Variants in ESRRG observed in about 807,000 individuals in gnomAD.
The protein encoded by ESRRG is estrogen related receptor gamma, also known as estrogen-related receptor gamma.
A neutral mutation model predicts 44.0 loss-of-function variants in ESRRG; 13 were observed. The observed-to-expected ratio is 0.30, with a 90% confidence interval of 0.19 to 0.47. The LOEUF is 0.47. Ranked by LOEUF, ESRRG falls within the 20% of genes least tolerant of loss-of-function variation. The pLI is 1.00. For synonymous variants in ESRRG, 215 were observed against 214.6 expected (o/e 1.00, Z -0.02); for missense variants, 395 against 580.6 (o/e 0.68, Z 3.29).
intron 2 of ESRRG, among the ~76,000 whole-genome samples, chr1:216,809,412 T>C (rs1272877149): frequency 1.3e-5 from 2 of 151,426 alleles, no homozygotes; most frequent in Admixed American, 6.6e-5. Context: ...GGACAATAGC[T>C]AGCTCCATCC....
chr1:216,748,424 TG>T (rs1232573555), intron 2 of ESRRG, among the ~76,000 whole-genome samples: 1 of 152,172 alleles, frequency 6.6e-6, no homozygotes, highest in Non-Finnish European at 1.5e-5. Context: ...ATTTAAAATG[TG>T]GCCTTGCTTT....
intron 3 of ESRRG, among the ~76,000 whole-genome samples, chr1:216,584,095 A>C (rs1440657579): frequency 6.6e-6 from 1 of 152,096 alleles, no homozygotes; most frequent in African/African-American, 2.4e-5. Context: ...AAATACATAG[A>C]AAAGCCATTC....
At chr1:217,134,266 G>A (rs1423413913) in intron 1 of ESRRG, among the ~76,000 whole-genome samples, 2 of 152,152 alleles carry the variant, frequency 1.3e-5, no homozygotes, top group East Asian at 3.9e-4. Context: ...GACACAGACT[G>A]GCGCTGGATC....
intron 3 of ESRRG, among the ~76,000 whole-genome samples, chr1:216,594,923 G>A (rs1262121118): frequency 1.3e-5 from 2 of 152,188 alleles, no homozygotes; most frequent in African/African-American, 4.8e-5. Context: ...TGGTAGGGAA[G>A]ATATTTTGAG....
chr1:216,719,120 G>A (rs576741491), intron 1 of ESRRG, among the ~76,000 whole-genome samples: 2 of 152,034 alleles, frequency 1.3e-5, no homozygotes, highest in South Asian at 2.1e-4. Flanking sequence ...GGAATTTTTC[G>A]TAAGTGATAC....
intron 5 of ESRRG, among the ~76,000 whole-genome samples, chr1:216,546,982 T>C (rs1260381842): frequency 6.6e-6 from 1 of 151,452 alleles, no homozygotes; most frequent in African/African-American, 2.4e-5. Context: ...CAGGCCCCGG[T>C]GTGTATGTTC....
intron 2 of ESRRG, among the ~76,000 whole-genome samples, chr1:216,797,084 G>A (rs979954042): frequency 1.3e-5 from 2 of 151,900 alleles, no homozygotes; most frequent in African/African-American, 4.8e-5. Context: ...TAGAGACGGG[G>A]TTTCACCATG....
At chr1:216,530,649 A>G (rs541313221) in intron 5 of ESRRG, among the ~76,000 whole-genome samples, 2 of 152,294 alleles carry the variant, frequency 1.3e-5, no homozygotes, top group South Asian at 4.1e-4. Flanking sequence ...ATTGTATTTA[A>G]GCTGCCACGT....
At position 216,504,132 on chromosome 1, in the gene ESRRG, T is replaced by C. The variant is rs963204566; in HGVS notation, c.*2807A>G. 2.6e-5 allele frequency: 4 copies of C among 152,524 alleles called. No homozygotes were observed. Among genetic ancestry groups the C allele is most frequent in the Non-Finnish European group, 4.4e-5 (3 of 67,982 alleles). 9.4% of individuals were successfully genotyped at this position (152,524 alleles called of 1,614,324 possible). ...ACATATCTCCATCTCAGGTTTTCAG[T>C]TGGTTGGCTCTTACTTCTGAAGCCC... On this transcript the variant is annotated 3_prime_UTR_variant, in exon 7 of 7. Transcript: ENST00000408911.
intron 2 of ESRRG, among the ~76,000 whole-genome samples, chr1:216,837,229 G>A (rs964371956): frequency 5.9e-5 from 9 of 151,886 alleles, no homozygotes; most frequent in Non-Finnish European, 2.9e-5. Context: ...CTAACACAGT[G>A]AAACCGTGTC....
At chr1:217,086,993 C>G (rs1003659046) in intron 1 of ESRRG, among the ~76,000 whole-genome samples, 1 of 152,056 alleles carries the variant, frequency 6.6e-6, no homozygotes, top group African/African-American at 2.4e-5. Flanking sequence ...ATAAATAACC[C>G]CCTTTCCAAT....
intron 1 of ESRRG, among the ~76,000 whole-genome samples, chr1:216,958,052 C>T (rs1035759778): frequency 3.9e-5 from 6 of 152,060 alleles, no homozygotes; most frequent in African/African-American, 1.4e-4. Flanking sequence ...CCATGTGTCC[C>T]TGGCTTCCTT....
At chr1:217,083,690 C>T (rs2091909691) in intron 1 of ESRRG, among the ~76,000 whole-genome samples, 2 of 152,174 alleles carry the variant, frequency 1.3e-5, no homozygotes, top group Admixed American at 1.3e-4. Context: ...AAAGCATCAT[C>T]AGGTATTATA....
At chr1:216,591,591 A>G (rs2057674595) in intron 3 of ESRRG, among the ~76,000 whole-genome samples, 1 of 152,222 alleles carries the variant, frequency 6.6e-6, no homozygotes, top group Non-Finnish European at 1.5e-5. Context: ...CAAATAAATA[A>G]AGCTCCTGGG....
chr1:216,727,721 C>T (rs140874701), upstream of ESRRG, among the ~76,000 whole-genome samples: 11 of 152,146 alleles, frequency 7.2e-5, 1 homozygote, highest in East Asian at 1.9e-3. Flanking sequence ...TGAAAGTGAT[C>T]GCTTCCACAG....
chr1:216,957,137 C>T (rs534135747), intron 1 of ESRRG, among the ~76,000 whole-genome samples: 2 of 152,152 alleles, frequency 1.3e-5, no homozygotes, highest in East Asian at 3.9e-4. Flanking sequence ...TTTTACTTTC[C>T]TCCTCACTGG....
At chr1:216,819,433 T>C (rs2095239287) in intron 2 of ESRRG, among the ~76,000 whole-genome samples, 1 of 152,220 alleles carries the variant, frequency 6.6e-6, no homozygotes, top group Non-Finnish European at 1.5e-5. Flanking sequence ...CCAAAAGCAT[T>C]GATCCCTACT....
At chr1:217,119,419 C>A (rs756160939) in intron 1 of ESRRG, among the ~76,000 whole-genome samples, 5 of 152,180 alleles carry the variant, frequency 3.3e-5, no homozygotes, top group Non-Finnish European at 5.9e-5. Context: ...CAACAATGGA[C>A]CATGTAAATC....
At chr1:216,728,927 G>T (rs550722039) in intron 2 of ESRRG, among the ~76,000 whole-genome samples, 1 of 152,200 alleles carries the variant, frequency 6.6e-6, no homozygotes, top group African/African-American at 2.4e-5. Context: ...TGTTTGATAA[G>T]AGTCTCCTTC....
Sources: allele counts gnomAD v4.1 joint callset (sites outside exome capture counted in the v4.1 genomes callset), GRCh38; gene constraint gnomAD v4.1.1; transcripts MANE v1.5; gene names NCBI Gene and HGNC (gene_info 2026-07-23, HGNC 2026-07-21).